The following TINAG variants were observed in gnomAD, a reference collection of about 807,000 sequenced individuals.
TINAG encodes the protein tubulointerstitial nephritis antigen.
A neutral mutation model predicts 72.7 loss-of-function variants in TINAG; 83 were observed. That is an observed-to-expected ratio of 1.14 (90% CI 0.96 to 1.37). TINAG has a LOEUF of 1.37. Ranked by LOEUF, TINAG falls within the 40% of genes most tolerant of loss-of-function variation. TINAG has a pLI of 0.00. For synonymous variants in TINAG, 234 were observed against 189.9 expected, an observed-to-expected ratio of 1.23 and a Z score of -1.91; for missense variants, 685 against 576.6, an observed-to-expected ratio of 1.19 and a Z score of -1.93.
At chr6:54,361,882 A>T (rs183533785) in intron 9 of TINAG, among the ~76,000 whole-genome samples, 199 of 151,834 alleles carry the variant, frequency 1.3e-3, no homozygotes, top group African/African-American at 4.7e-3. Flanking sequence ...TGGAAAGAAG[A>T]TCAAACAAGC....
chr6:54,368,018 C>T (rs1763486290), intron 9 of TINAG, among the ~76,000 whole-genome samples: 2 of 151,578 alleles, frequency 1.3e-5, no homozygotes, highest in Admixed American at 1.3e-4. Context: ...CCTCCTAATA[C>T]CATTGCAATG....
At chr6:54,363,960 T>G (rs1301261061) in intron 9 of TINAG, among the ~76,000 whole-genome samples, 2 of 151,578 alleles carry the variant, frequency 1.3e-5, no homozygotes, top group African/African-American at 4.8e-5. Context: ...ATGAGGTTAG[T>G]TGAAAATGTT....
At chr6:54,360,599 C>A (rs1248027843) in intron 9 of TINAG, among the ~76,000 whole-genome samples, 1 of 151,570 alleles carries the variant, frequency 6.6e-6, no homozygotes, top group Non-Finnish European at 1.5e-5. Context: ...ATCCCCAAGT[C>A]TCAAGTTGGT....
At chr6:54,310,405 CCT>C in intron 1 of TINAG, among the ~76,000 whole-genome samples, 1 of 151,832 alleles carries the variant, frequency 6.6e-6, no homozygotes, top group Non-Finnish European at 1.5e-5. Flanking sequence ...TTTCTTCCTT[CCT>C]CTGTTTTGTT....
At chr6:54,343,403 G>T in intron 5 of TINAG, 54 bp downstream of exon 5, 1 of 1,364,066 alleles carries the variant, frequency 7.3e-7, no homozygotes, top group South Asian at 2.2e-5. Context: ...TGGCTCTAGA[G>T]ACTGAGAGAA....
At chr6:54,338,719 C>CAAAAAA (rs57231980) in intron 4 of TINAG, among the ~76,000 whole-genome samples, 4 of 56,976 alleles carry the variant, frequency 7.0e-5, no homozygotes, top group African/African-American at 1.2e-4. Flanking sequence ...GACTCTGTCT[C>CAAAAAA]AAAAAAAAAA....
intron 10 of TINAG, among the ~76,000 whole-genome samples, chr6:54,389,461 G>C (rs1764184807): frequency 6.6e-6 from 1 of 152,116 alleles, no homozygotes; most frequent in South Asian, 2.1e-4. Flanking sequence ...CCAGCACCTA[G>C]CACAGGCTGT....
At chr6:54,311,431 C>T (rs1784255792) in intron 1 of TINAG, among the ~76,000 whole-genome samples, 1 of 152,156 alleles carries the variant, frequency 6.6e-6, no homozygotes, top group Non-Finnish European at 1.5e-5. Flanking sequence ...TGCTGGGTCC[C>T]AGGTATGCAT....
At chr6:54,342,140 G>A (rs936628970) in intron 4 of TINAG, among the ~76,000 whole-genome samples, 3 of 152,046 alleles carry the variant, frequency 2.0e-5, no homozygotes, top group African/African-American at 7.2e-5. Flanking sequence ...TTTGGTTTAA[G>A]CCTGATTCTT....
intron 5 of TINAG, among the ~76,000 whole-genome samples, chr6:54,345,524 A>T (rs1785099944): frequency 6.6e-6 from 1 of 152,138 alleles, no homozygotes; most frequent in African/African-American, 2.4e-5. Context: ...TTTTCTCTAC[A>T]CTATAAAAGT....
At chr6:54,369,537 AG>A (rs1763540736) in intron 9 of TINAG, among the ~76,000 whole-genome samples, 1 of 151,950 alleles carries the variant, frequency 6.6e-6, no homozygotes, top group Non-Finnish European at 1.5e-5. Context: ...CTTGTTATTA[AG>A]GTACATTTTA....
At chr6:54,353,602 G>T (rs35695786) in intron 8 of TINAG, among the ~76,000 whole-genome samples, 3,551 of 151,756 alleles carry the variant, frequency 0.023, 50 homozygotes, top group Non-Finnish European at 0.036. Flanking sequence ...CCTCTTTTGC[G>T]ACTATTTGCA....
intron 1 of TINAG, among the ~76,000 whole-genome samples, chr6:54,315,920 C>A (rs1784363026): frequency 6.6e-6 from 1 of 152,156 alleles, no homozygotes. Context: ...GGGTTATTTA[C>A]TTCTTCACAG....
chr6:54,314,730 G>A (rs568070618), intron 1 of TINAG, among the ~76,000 whole-genome samples: 1 of 152,228 alleles, frequency 6.6e-6, no homozygotes, highest in Admixed American at 6.5e-5. Flanking sequence ...GTGCTGAAAT[G>A]TACTTGAGAT....
chr6:54,326,946 CA>C, intron 4 of TINAG, 30 bp downstream of exon 4: 1 of 1,612,560 alleles, frequency 6.2e-7, no homozygotes, highest in Non-Finnish European at 8.5e-7. Flanking sequence ...CACGTATGTG[CA>C]TGTATTTGTA....
At chr6:54,380,963 T>C (rs143042177) in intron 10 of TINAG, among the ~76,000 whole-genome samples, 1,520 of 147,094 alleles carry the variant, frequency 0.01, 23 homozygotes, top group African/African-American at 0.034. Flanking sequence ...ATATATCCTA[T>C]AGGATATAAC....
At chr6:54,344,499 T>G (rs1307311293) in intron 5 of TINAG, among the ~76,000 whole-genome samples, 1 of 152,160 alleles carries the variant, frequency 6.6e-6, no homozygotes, top group African/African-American at 2.4e-5. Context: ...ATTAAGGTTG[T>G]TTCAGATGGG....
rs369185154 is a variant in TINAG at position 54,389,948 on chromosome 6, G to T, written c.*23G>T. The stretch of plus-strand genomic sequence containing the variant: ...TAACATATCATTAAATTTCCATAAG[G>T]TCATGCCTTTAAGTAACCCCCTAAA... On this transcript the variant is annotated 3_prime_UTR_variant, in exon 11 of 11. Coordinates refer to ENST00000259782, the MANE Select transcript of TINAG (RefSeq NM_014464.4). The T allele has an allele frequency of 2.5e-6, 4 of 1,601,650 alleles. No individual in the cohort carries two copies. The African/African-American group carries it at 4.0e-5, about 16-fold the overall frequency.
At chr6:54,342,044 A>G (rs140010361) in intron 4 of TINAG, among the ~76,000 whole-genome samples, 2 of 151,518 alleles carry the variant, frequency 1.3e-5, no homozygotes, top group Admixed American at 6.6e-5. Flanking sequence ...ACTTGAAAGA[A>G]TGCTCAGAAA....
Sources: gnomAD v4.1 joint callset for allele counts (sites outside exome capture counted in the v4.1 genomes callset) on GRCh38, gnomAD v4.1.1 for gene constraint, MANE v1.5 for transcripts, NCBI Gene and HGNC (gene_info 2026-07-23, HGNC 2026-07-21) for gene names.